TRDN: variants seen among roughly 807,000 people sequenced by gnomAD.
TRDN encodes triadin in skeletal muscle.
A neutral mutation model predicts 149.7 loss-of-function variants in TRDN; 161 were observed. The ratio of observed to expected loss-of-function variants is 1.08; its 90% confidence interval spans 0.95 to 1.23. TRDN has a LOEUF of 1.23. TRDN is among the 50% of genes most tolerant of loss of function. The pLI is 0.00. For synonymous variants in TRDN, 294 were observed against 250.5 expected (o/e 1.17, Z -1.64); for missense variants, 896 against 823.5 (o/e 1.09, Z -1.08).
chr6:123,473,340 A>G (rs866116888), intron 9 of TRDN, among the ~76,000 whole-genome samples: 2,386 of 152,200 alleles, frequency 0.016, 70 homozygotes, highest in African/African-American at 0.053. Flanking sequence ...AAGAAAGGGT[A>G]TCAGCAATGG....
chr6:123,383,592 C>A (rs1173483701), intron 14 of TRDN, among the ~76,000 whole-genome samples: 1 of 151,770 alleles, frequency 6.6e-6, no homozygotes, highest in African/African-American at 2.4e-5. Flanking sequence ...GAAAAATACA[C>A]AATTATTCAA....
At chr6:123,253,248 A>G (rs1776439302) in intron 37 of TRDN, among the ~76,000 whole-genome samples, 1 of 152,070 alleles carries the variant, frequency 6.6e-6, no homozygotes, top group Non-Finnish European at 1.5e-5. Flanking sequence ...TAGAGCAGAC[A>G]TTCTAATTTC....
intron 24 of TRDN, among the ~76,000 whole-genome samples, chr6:123,300,850 C>A (rs1156508074): frequency 6.6e-6 from 1 of 151,848 alleles, no homozygotes; most frequent in African/African-American, 2.4e-5. Flanking sequence ...CAGAACCATT[C>A]CAAGCATTTT....
intron 1 of TRDN, among the ~76,000 whole-genome samples, chr6:123,584,249 G>A (rs1688308610): frequency 6.6e-6 from 1 of 152,180 alleles, no homozygotes; most frequent in Non-Finnish European, 1.5e-5. Flanking sequence ...AGGAGCCGGG[G>A]AGCAGAAAGT....
At chr6:123,520,945 A>G (rs1159050201) in intron 5 of TRDN, among the ~76,000 whole-genome samples, 1 of 152,184 alleles carries the variant, frequency 6.6e-6, no homozygotes, top group African/African-American at 2.4e-5. Flanking sequence ...AAGTTTATAC[A>G]GTACAGGAAG....
rs563595769 is a variant in TRDN, at chr6:123,393,862, C to T, written c.1052-185G>A. Among the ~76,000 whole-genome samples the T allele has an allele frequency of 3.3e-5, 5 of 152,232 alleles. No homozygotes were observed. In the East Asian group the frequency reaches 9.6e-4, roughly 29 times the overall value. ...AGAATGGAGCTTACTGAAAGAAAAA[C>T]ATGACTGAAGCAATTTAAATCATAA... On this transcript the variant is annotated intron_variant, in intron 12 of 40. Transcript: ENST00000334268.
chr6:123,548,695 G>T, intron 2 of TRDN, 83 bp from the exon 3 acceptor site: 1 of 1,152,878 alleles, frequency 8.7e-7, no homozygotes, highest in South Asian at 3.4e-5. Flanking sequence ...TTACTGATTT[G>T]TTGTTTTGAC....
At chr6:123,260,719 AAACAATTG>A in intron 33 of TRDN, 81 bp from the exon 34 acceptor site, 2 of 1,104,678 alleles carry the variant, frequency 1.8e-6, no homozygotes, top group Non-Finnish European at 2.5e-6. Flanking sequence ...ATTCAGTAGC[AAACAATTG>A]AAACTTATCT....
chr6:123,559,841 C>T (rs1781884780), intron 2 of TRDN, among the ~76,000 whole-genome samples: 1 of 152,148 alleles, frequency 6.6e-6, no homozygotes, highest in African/African-American at 2.4e-5. Flanking sequence ...TCCTCAATAC[C>T]TCCCTCCACA....
chr6:123,559,960 T>C (rs1781891747), intron 2 of TRDN, among the ~76,000 whole-genome samples: 1 of 152,166 alleles, frequency 6.6e-6, no homozygotes, highest in South Asian at 2.1e-4. Flanking sequence ...CCCATCAGGC[T>C]CAGCGAATTA....
intron 4 of TRDN, among the ~76,000 whole-genome samples, chr6:123,530,910 T>C (rs766329611): frequency 6.6e-6 from 1 of 151,974 alleles, no homozygotes; most frequent in Non-Finnish European, 1.5e-5. Context: ...GAATCCTTAA[T>C]AAGAATGTCA....
intron 2 of TRDN, among the ~76,000 whole-genome samples, chr6:123,549,517 TTC>T (rs756294990): frequency 6.6e-6 from 1 of 152,118 alleles, no homozygotes; most frequent in Admixed American, 6.6e-5. Flanking sequence ...TCAGAGATTT[TTC>T]TCTCTTTGAT....
intron 12 of TRDN, among the ~76,000 whole-genome samples, chr6:123,430,768 C>T (rs943399500): frequency 2.0e-5 from 3 of 152,098 alleles, no homozygotes; most frequent in Non-Finnish European, 4.4e-5. Context: ...TTCGCTCCTT[C>T]TGAGTTTCTA....
intron 38 of TRDN, among the ~76,000 whole-genome samples, chr6:123,243,267 T>G (rs952547761): frequency 6.6e-6 from 1 of 152,044 alleles, no homozygotes; most frequent in Admixed American, 6.6e-5. Context: ...ATCACCATGG[T>G]CACTAAGGAG....
At chr6:123,351,090 A>C (rs776107659) in intron 21 of TRDN, 717 of 984,960 alleles carry the variant, frequency 7.3e-4, no homozygotes, top group Non-Finnish European at 8.4e-4. Context: ...TGGCTATGAA[A>C]ACAACCTATG....
chr6:123,438,144 T>C (rs1774677270), intron 11 of TRDN, 22 bp from the exon 12 acceptor site: 2 of 1,547,498 alleles, frequency 1.3e-6, no homozygotes, highest in Admixed American at 4.0e-5. Context: ...ATAAGAAAGT[T>C]ATAAGCCTTT....
At chr6:123,606,866 C>T (rs1297984875) in intron 1 of TRDN, among the ~76,000 whole-genome samples, 1 of 152,056 alleles carries the variant, frequency 6.6e-6, no homozygotes, top group Non-Finnish European at 1.5e-5. Context: ...AATAGAAATG[C>T]TCATCTTTAT....
chr6:123,434,766 T>C (rs1189178384), intron 12 of TRDN, among the ~76,000 whole-genome samples: 2 of 148,094 alleles, frequency 1.4e-5, no homozygotes, highest in Non-Finnish European at 2.9e-5. Flanking sequence ...ACCAAGATGA[T>C]TTTTTTTTAA....
chr6:123,231,827 T>C (rs1775612846), intron 38 of TRDN, among the ~76,000 whole-genome samples: 1 of 151,962 alleles, frequency 6.6e-6, no homozygotes. Context: ...GGACAAGTAA[T>C]ACTGATTGGT....
Sources: gnomAD v4.1 joint callset for allele counts (sites outside exome capture counted in the v4.1 genomes callset) on GRCh38, gnomAD v4.1.1 for gene constraint, MANE v1.5 for transcripts, NCBI Gene and HGNC (gene_info 2026-07-23, HGNC 2026-07-21) for gene names.